The following ARID1A variants were observed in gnomAD, a reference collection of about 807,000 sequenced individuals.
ARID1A encodes the protein AT-rich interactive domain-containing protein 1A.
A neutral mutation model predicts 212.6 loss-of-function variants in ARID1A; 20 were observed. The observed-to-expected ratio is 0.09, with a 90% CI of 0.07 to 0.14. The LOEUF (loss-of-function observed/expected upper bound fraction) is 0.14. Among genes scored for constraint, ARID1A ranks in the 10% least tolerant of loss-of-function variants. The pLI is 1.00. For synonymous variants in ARID1A, 1,376 were observed against 1,222.1 expected, an observed-to-expected ratio of 1.13 and a Z score of -2.63; for missense variants, 2,587 against 3,059.0, an observed-to-expected ratio of 0.85 and a Z score of 3.64.
chr1:26,747,193 G>A (rs1236479261), intron 4 of ARID1A, among the ~76,000 whole-genome samples: 1 of 152,204 alleles, frequency 6.6e-6, no homozygotes, highest in Non-Finnish European at 1.5e-5. Flanking sequence ...CTGGGGACCA[G>A]TGCTTGGTCT....
intron 4 of ARID1A, among the ~76,000 whole-genome samples, chr1:26,752,624 C>T (rs566639237): frequency 1.4e-4 from 21 of 152,284 alleles, no homozygotes; most frequent in Non-Finnish European, 2.9e-5. Flanking sequence ...CCTCTCCTAC[C>T]TTTTCCTTTT....
chr1:26,698,226 C>T (rs1023622465), intron 1 of ARID1A, among the ~76,000 whole-genome samples: 1 of 152,248 alleles, frequency 6.6e-6, no homozygotes, highest in Non-Finnish European at 1.5e-5. Context: ...GAGGTAAAAT[C>T]CTTCTGTCAA....
Position 26,762,514 on chromosome 1 carries a change from CTT to C in ARID1A, c.2419+197_2419+198del, listed in dbSNP as rs545261535. 5.2e-3 allele frequency among the ~76,000 whole-genome samples: 798 copies of C among 152,344 alleles called. 12 individuals are homozygous for C. Among genetic ancestry groups the C allele is most frequent in the African/African-American group, 0.019 (773 of 41,580 alleles). On this transcript the variant is annotated intron_variant, in intron 7 of 19. Coordinates refer to ENST00000324856, the MANE Select transcript of ARID1A (RefSeq NM_006015.6). The stretch of plus-strand genomic sequence containing the variant: ...ACTTATTCTGTCACCATGAGAAAGT[CTT>C]TCAATTTCACTGAGCCTCTGTTTCA...
intron 1 of ARID1A, among the ~76,000 whole-genome samples, chr1:26,707,652 A>C (rs1174970641): frequency 6.6e-6 from 1 of 152,116 alleles, no homozygotes; most frequent in Non-Finnish European, 1.5e-5. Context: ...AAGGATCCTG[A>C]CTTTCAAATG....
At chr1:26,710,272 AAAAGT>A (rs911297296) in intron 1 of ARID1A, among the ~76,000 whole-genome samples, 5 of 151,314 alleles carry the variant, frequency 3.3e-5, no homozygotes, top group African/African-American at 1.2e-4. Context: ...CGTCTCTATT[AAAAGT>A]ACAAAAATTA....
chr1:26,717,943 C>T (rs548876350), intron 1 of ARID1A, among the ~76,000 whole-genome samples: 4 of 152,160 alleles, frequency 2.6e-5, no homozygotes, highest in Admixed American at 6.6e-5. Context: ...ATTTGAGGAA[C>T]AGTTTTTTTG....
At chr1:26,700,331 A>G (rs1242305242) in intron 1 of ARID1A, among the ~76,000 whole-genome samples, 1 of 152,232 alleles carries the variant, frequency 6.6e-6, no homozygotes, top group Non-Finnish European at 1.5e-5. Flanking sequence ...AGACTTAATT[A>G]ACACAGCTAA....
chr1:26,762,398 T>A (rs2124065473), intron 7 of ARID1A, 79 bp downstream of exon 7: 1 of 1,481,118 alleles, frequency 6.8e-7, no homozygotes, highest in Non-Finnish European at 9.1e-7. Context: ...GCCATCTAGC[T>A]TGTAACCTTG....
chr1:26,708,266 C>CTTTT lies in ARID1A; in HGVS notation c.1137+10759_1137+10762dup, dbSNP rs397860721. ...TCAGCCTTTAAGATACAGTCCTTCACTTTTTTTTTTTTTTTTTTTTTTTTT... is the reference window on the plus strand; with the variant it reads ...TCAGCCTTTAAGATACAGTCCTTCACTTTTTTTTTTTTTTTTTTTTTTTTTTTTT... On this transcript the variant is annotated intron_variant, in intron 1 of 19. Coordinates refer to ENST00000324856, the MANE Select transcript of ARID1A (RefSeq NM_006015.6). Among the ~76,000 whole-genome samples the CTTTT allele has an allele frequency of 4.1e-3, 97 of 23,750 alleles. 41 individuals carry two copies. The highest frequency in any genetic ancestry group is 0.012 in the East Asian group (4 of 344). The allele number at this position is 23,750 out of a possible 152,430, so 15.6% of individuals were successfully genotyped here.
chr1:26,711,551 A>G (rs2080454656), intron 1 of ARID1A, among the ~76,000 whole-genome samples: 1 of 152,180 alleles, frequency 6.6e-6, no homozygotes, highest in Non-Finnish European at 1.5e-5. Flanking sequence ...GGGCTTCAAC[A>G]TTAATTTCAG....
At chr1:26,756,228 A>G (rs2080935049) in intron 4 of ARID1A, among the ~76,000 whole-genome samples, 1 of 151,904 alleles carries the variant, frequency 6.6e-6, no homozygotes, top group Non-Finnish European at 1.5e-5. Flanking sequence ...CCTGAGCAAC[A>G]TGGCAAGGCC....
chr1:26,738,155 C>T (rs1238421893), intron 4 of ARID1A, among the ~76,000 whole-genome samples: 1 of 151,818 alleles, frequency 6.6e-6, no homozygotes, highest in Non-Finnish European at 1.5e-5. Context: ...TCCCAGGTAG[C>T]TGGAATTACA....
chr1:26,775,196 A>C lies in ARID1A; in HGVS notation c.4969A>C (p.Arg1657=), dbSNP rs750330378. ...EATQPVLKQR[R]RLTMKDIGTP... ...CACACAGCCTGTGTTGAAGCAGAGG[A>C]GGCGGCTCACAATGAAAGACATTGG... Residue 1657 remains arginine (R), a synonymous_variant, in exon 18 of 20, where the codon AGG becomes CGG. Transcript: ENST00000324856. The C allele has an allele frequency of 5.6e-6, 9 of 1,596,364 alleles. No individual in the cohort carries two copies. The highest frequency in any genetic ancestry group is 7.7e-6 in the Non-Finnish European group (9 of 1,172,836).
intron 8 of ARID1A, among the ~76,000 whole-genome samples, chr1:26,763,971 A>T (rs2081016589): frequency 6.6e-6 from 1 of 151,462 alleles, no homozygotes; most frequent in African/African-American, 2.4e-5. Context: ...TTTATTTTTT[A>T]TATTTATTTA....
rs773486116 is a variant in ARID1A at position 26,731,651 on chromosome 1, A to T, written c.1803+47A>T. 3 of 1,585,598 alleles carry T rather than the reference A, an allele frequency of 1.9e-6. No homozygotes were observed. In the South Asian group the frequency reaches 3.4e-5, roughly 18 times the overall value. ...CCCTTCCCTGTGTGTGACTACAGAC[A>T]GCTTGGGGGTTAGTGTCATGAGAAC... On this transcript the variant is annotated intron_variant, in intron 3 of 19. Coordinates refer to ENST00000324856, the MANE Select transcript of ARID1A (RefSeq NM_006015.6).
intron 4 of ARID1A, among the ~76,000 whole-genome samples, chr1:26,750,577 G>A (rs530657312): frequency 9.3e-4 from 142 of 152,268 alleles, no homozygotes; most frequent in Non-Finnish European, 1.7e-3. Context: ...GCTGGGTGAG[G>A]AGGAAAGTGT....
At position 26,780,487 on chromosome 1, in the gene ARID1A, G is replaced by A. The variant is rs1335981416; in HGVS notation, c.6589G>A (p.Gly2197Ser). The A allele has an allele frequency of 1.2e-6, 2 of 1,614,062 alleles. No homozygotes were observed. The highest frequency in any genetic ancestry group is 1.3e-5 in the African/African-American group (1 of 74,918). Residue 2197 changes from glycine (G) to serine (S), a missense_variant, in exon 20 of 20, where the codon GGC (glycine) becomes AGC (serine). Gly to Ser is a moderately conservative substitution (Grantham distance 56). Around this residue, in one of 11 missense-constraint regions of ARID1A, gnomAD observed 168 missense variants for 321.0 expected, o/e 0.52. Transcript: ENST00000324856. This position sits in a 1 kb window ranked among gnomAD's most constrained non-coding sequence, Gnocchi z 7.2. ...GAAGGGCAGTATCGGCAACCTCCTG[G>A]GCTTCCTAGAGGACAGCCTTGCCGC... Reference protein sequence around the residue: ...VQKGSIGNLLGFLEDSLAATQ... With the variant: ...VQKGSIGNLLSFLEDSLAATQ...
rs575349770 is a variant in ARID1A at position 26,759,743 on chromosome 1, A to C, written c.1921-1113A>C. 2.0e-5 allele frequency among the ~76,000 whole-genome samples: 3 copies of C among 152,318 alleles called. No homozygotes were observed. In the South Asian group the frequency reaches 6.2e-4, roughly 32 times the overall value. ...ACTCTTTATTGATTAACTGAAGACAAGCAAAGCCTACAAACAAATACCAAG... is the reference window on the plus strand; with the variant it reads ...ACTCTTTATTGATTAACTGAAGACACGCAAAGCCTACAAACAAATACCAAG... On this transcript the variant is annotated intron_variant, in intron 4 of 19. Coordinates refer to ENST00000324856, the MANE Select transcript of ARID1A (RefSeq NM_006015.6).
intron 4 of ARID1A, among the ~76,000 whole-genome samples, chr1:26,744,309 G>A (rs2080816463): frequency 6.6e-6 from 1 of 152,156 alleles, no homozygotes; most frequent in African/African-American, 2.4e-5. Flanking sequence ...TATTCTAGTC[G>A]CTGGTGGCTC....
Sources: allele counts gnomAD v4.1 joint callset (sites outside exome capture counted in the v4.1 genomes callset), GRCh38; gene constraint gnomAD v4.1.1; regional missense constraint gnomAD v4.1.1; non-coding constraint Gnocchi (gnomAD v3.1); transcripts MANE v1.5; gene names NCBI Gene and HGNC (gene_info 2026-07-23, HGNC 2026-07-21).